The following DCUN1D5 variants were observed in gnomAD, a reference collection of about 807,000 sequenced individuals.
DCUN1D5 encodes DCN1-like protein 5.
In DCUN1D5, 10 loss-of-function variants were observed where a neutral mutation model predicts 38.3. The observed-to-expected ratio is 0.26, with a 90% CI of 0.16 to 0.44. DCUN1D5 has a LOEUF of 0.44. Ranked by LOEUF, DCUN1D5 falls within the 20% of genes least tolerant of loss-of-function variation. The pLI, the probability that DCUN1D5 is intolerant of heterozygous loss-of-function variation, is 1.00. For missense variants in DCUN1D5, 148 were observed against 275.3 expected, an observed-to-expected ratio of 0.54 and a Z score of 3.27; for synonymous variants, 93 against 90.9, an observed-to-expected ratio of 1.02 and a Z score of -0.13.
intron 4 of DCUN1D5, among the ~76,000 whole-genome samples, chr11:103,080,543 T>C (rs187135783): frequency 1.3e-3 from 197 of 152,328 alleles, no homozygotes; most frequent in African/African-American, 4.6e-3. Flanking sequence ...TCAAGAATGC[T>C]CACTTCAAGC....
Position 103,073,980 on chromosome 11 carries a change from G to T in DCUN1D5, c.342-7413C>A, listed in dbSNP as rs1362501946. On this transcript the variant is annotated intron_variant, in intron 4 of 7. Coordinates refer to ENST00000260247, the MANE Select transcript of DCUN1D5 (RefSeq NM_032299.4). This position sits in a 1 kb window ranked among gnomAD's most constrained non-coding sequence, Gnocchi z 4.2. ...GGCTACTCGGGGGGCTGATGTGGGA[G>T]GATCGCTTGAACCCAGGAGGTGAAG... is the stretch of plus-strand genomic sequence containing the variant. 2.6e-5 allele frequency among the ~76,000 whole-genome samples: 4 copies of T among 152,076 alleles called. No homozygotes were observed. Among genetic ancestry groups the T allele is most frequent in the African/African-American group, 9.7e-5 (4 of 41,390 alleles).
At chr11:103,070,494 C>A (rs982163287) in intron 4 of DCUN1D5, among the ~76,000 whole-genome samples, 1 of 152,084 alleles carries the variant, frequency 6.6e-6, no homozygotes, top group African/African-American at 2.4e-5. Context: ...AAGGGTCAAT[C>A]CATCAGAAAG....
Position 103,087,973 on chromosome 11 carries a change from G to A in DCUN1D5, c.178+1254C>T, listed in dbSNP as rs1862757245. On this transcript the variant is annotated intron_variant, in intron 2 of 7. Transcript: ENST00000260247. The surrounding 1 kb of genome is among the most constrained non-coding windows in gnomAD (Gnocchi z 4.1). ...GGGTCAACATTTTAAATGGAGGTCA[G>A]TAAGAAATGAATTCCCTTCATTTAA... is the stretch of plus-strand genomic sequence containing the variant. Among the ~76,000 whole-genome samples the A allele has an allele frequency of 6.6e-6, 1 of 152,158 alleles. No individual in the cohort carries two copies. Among genetic ancestry groups the A allele is most frequent in the Non-Finnish European group, 1.5e-5 (1 of 68,026 alleles).
Position 103,060,168 on chromosome 11 carries a change from A to C in DCUN1D5, c.*2191T>G, listed in dbSNP as rs1861977481. ...CAAAGTAGGCAAATGTTATAACTTT[A>C]AGAAGGTAAGAGAAATAGATGGAGC... On this transcript the variant is annotated 3_prime_UTR_variant, in exon 8 of 8. Transcript: ENST00000260247. Among the ~76,000 whole-genome samples the C allele has an allele frequency of 6.6e-6, 1 of 152,176 alleles. No individual in the cohort carries two copies. Among genetic ancestry groups the C allele is most frequent in the Admixed American group, 6.6e-5 (1 of 15,266 alleles).
chr11:103,080,164 TAA>T lies in DCUN1D5; in HGVS notation c.341+2582_341+2583del, dbSNP rs1038365130. On this transcript the variant is annotated intron_variant, in intron 4 of 7. Transcript: ENST00000260247. ...ATTTTTTAACAGACCAACATAGTTA[TAA>T]AGAGTTTTATGGGTTAAAATTAATT... 5.1e-4 allele frequency among the ~76,000 whole-genome samples: 78 copies of T among 152,210 alleles called. 1 individual carries two copies. Among genetic ancestry groups the T allele is most frequent in the Non-Finnish European group, 1.8e-4 (12 of 68,038 alleles).
In DCUN1D5 at chr11:103,091,667, G is replaced by C. The variant is rs745991285; in HGVS notation, c.86+120C>G. The C allele has an allele frequency of 1.3e-6, 2 of 1,585,848 alleles. No individual in the cohort carries two copies. Among genetic ancestry groups the C allele is most frequent in the South Asian group, 2.2e-5 (2 of 89,236 alleles). On this transcript the variant is annotated intron_variant, in intron 1 of 7. Coordinates refer to ENST00000260247, the MANE Select transcript of DCUN1D5 (RefSeq NM_032299.4). The surrounding 1 kb of genome is among the most constrained non-coding windows in gnomAD (Gnocchi z 4.3). ...GTGTTCGGCACCTACAGCCTAGCTC[G>C]ATCAAAGGGGCCTCACCTGTCTCCA...
At position 103,071,188 on chromosome 11, in the gene DCUN1D5, CAAAGT is replaced by C. The variant is rs931205241; in HGVS notation, c.342-4626_342-4622del. Among the ~76,000 whole-genome samples, 23 of 151,932 alleles carry C rather than the reference CAAAGT, an allele frequency of 1.5e-4. No homozygotes were observed. Among genetic ancestry groups the C allele is most frequent in the Middle Eastern group, 3.4e-3 (1 of 294 alleles). ...GGCAAAATAAACAAACCAAACAGGA[CAAAGT>C]AAATAAGAGCAGAAACTGCTGAAAT... On this transcript the variant is annotated intron_variant, in intron 4 of 7. Transcript: ENST00000260247. The surrounding 1 kb of genome is among the most constrained non-coding windows in gnomAD (Gnocchi z 4.1).
At position 103,078,584 on chromosome 11, in the gene DCUN1D5, A is replaced by G. The variant is rs931573973; in HGVS notation, c.341+4164T>C. 2.6e-5 allele frequency among the ~76,000 whole-genome samples: 4 copies of G among 152,240 alleles called. No individual in the cohort carries two copies. Among genetic ancestry groups the G allele is most frequent in the Admixed American group, 1.3e-4 (2 of 15,284 alleles). On this transcript the variant is annotated intron_variant, in intron 4 of 7. Transcript: ENST00000260247. This position sits in a 1 kb window ranked among gnomAD's most constrained non-coding sequence, Gnocchi z 4.6. Reference sequence around the variant, plus strand: ...CTTTAAAATCTCTGATGGTTTCCCAATATCTGTAACATAGATTTAAACTCT... The same window carrying G: ...CTTTAAAATCTCTGATGGTTTCCCAGTATCTGTAACATAGATTTAAACTCT...
In DCUN1D5 at chr11:103,083,218, C is replaced by T; in HGVS notation, c.249+38G>A. The stretch of plus-strand genomic sequence containing the variant: ...TTAGTAATTTACGAATATGCTATAC[C>T]CCACTTATATGCCATTCTACTTAGA... On this transcript the variant is annotated intron_variant, in intron 3 of 7. Coordinates refer to ENST00000260247, the MANE Select transcript of DCUN1D5 (RefSeq NM_032299.4). This position sits in a 1 kb window ranked among gnomAD's most constrained non-coding sequence, Gnocchi z 4.4. 2 of 982,498 alleles carry T rather than the reference C, an allele frequency of 2.0e-6. No individual in the cohort carries two copies. Among genetic ancestry groups the T allele is most frequent in the South Asian group, 1.3e-5 (1 of 75,062 alleles). 60.9% of individuals were successfully genotyped at this position (982,498 alleles called of 1,614,324 possible).
rs187297773 is a variant in DCUN1D5, at chr11:103,055,681, C to G, written c.*6678G>C. ...CACAAAAGTTGGCCTTGAATTTCATCGATCATATGTCTTCAATTAAGTTCT... is the reference window on the plus strand; with the variant it reads ...CACAAAAGTTGGCCTTGAATTTCATGGATCATATGTCTTCAATTAAGTTCT... On this transcript the variant is annotated 3_prime_UTR_variant, in exon 8 of 8. Transcript: ENST00000260247. 3.9e-5 allele frequency: 6 copies of G among 152,148 alleles called. No homozygotes were observed. Among genetic ancestry groups the G allele is most frequent in the Admixed American group, 3.9e-4 (6 of 15,278 alleles). The allele number at this position is 152,148 out of a possible 1,614,324, so 9.4% of individuals were successfully genotyped here. A position where few individuals can be genotyped will look rare whatever the true frequency, so the allele number is the denominator to read the frequency against.
Position 103,057,193 on chromosome 11 carries a change from TAGTAA to T in DCUN1D5, c.*5161_*5165del, listed in dbSNP as rs1432033975. Among the ~76,000 whole-genome samples, 4 of 152,190 alleles carry T rather than the reference TAGTAA, an allele frequency of 2.6e-5. No homozygotes were observed. Among genetic ancestry groups the T allele is most frequent in the South Asian group, 2.1e-4 (1 of 4,832 alleles). ...AAGCCATTTTATTTGCATGACAGAA[TAGTAA>T]AGTATATAAACTAACTTCACTTAAG... On this transcript the variant is annotated 3_prime_UTR_variant, in exon 8 of 8. Transcript: ENST00000260247. The surrounding 1 kb of genome is among the most constrained non-coding windows in gnomAD (Gnocchi z 4.8).
rs1479532300 is a variant in DCUN1D5, at chr11:103,091,462, G to GGATC, written c.86+321_86+324dup. 9.0e-6 allele frequency: 3 copies of GGATC among 334,144 alleles called. No individual in the cohort carries two copies. The highest frequency in any genetic ancestry group is 9.5e-4 in the Middle Eastern group (1 of 1,056). 20.7% of individuals were successfully genotyped at this position (334,144 alleles called of 1,614,324 possible). Reference sequence around the variant, plus strand: ...GGCAGAGGAGCGATACGGGAGTAGGGGATCGAGGGTCGGTTGTGGGGTGGG... The same window carrying GGATC: ...GGCAGAGGAGCGATACGGGAGTAGGGGATCGATCGAGGGTCGGTTGTGGGGTGGG... On this transcript the variant is annotated intron_variant, in intron 1 of 7. Coordinates refer to ENST00000260247, the MANE Select transcript of DCUN1D5 (RefSeq NM_032299.4). The surrounding 1 kb of genome is among the most constrained non-coding windows in gnomAD (Gnocchi z 4.3).
At chr11:103,079,331 T>C (rs1330418911) in intron 4 of DCUN1D5, among the ~76,000 whole-genome samples, 1 of 152,172 alleles carries the variant, frequency 6.6e-6, no homozygotes, top group African/African-American at 2.4e-5. Context: ...CCTAGTAGAA[T>C]ATGACTAAAG....
In DCUN1D5 at chr11:103,091,836, C is replaced by T; in HGVS notation, c.37G>A (p.Ala13Thr). 1.2e-6 allele frequency: 2 copies of T among 1,614,044 alleles called. No individual in the cohort carries two copies. Among genetic ancestry groups the T allele is most frequent in the Non-Finnish European group, 1.7e-6 (2 of 1,179,938 alleles). The change falls in exon 1 of 8, where the codon GCA becomes ACA. Residue 13 changes from alanine to threonine, a missense_variant. Coordinates refer to ENST00000260247, the MANE Select transcript of DCUN1D5 (RefSeq NM_032299.4). The surrounding 1 kb of genome is among the most constrained non-coding windows in gnomAD (Gnocchi z 4.3). ...VKKKRKSPGVAAAVAEDGGLK... is the reference protein window; with the variant it reads ...VKKKRKSPGVTAAVAEDGGLK... Reference sequence around the variant, plus strand: ...CCTCCGTCTTCCGCTACTGCTGCTGCCACCCCAGGGGATTTTCTCTTCTTC... The same window carrying T: ...CCTCCGTCTTCCGCTACTGCTGCTGTCACCCCAGGGGATTTTCTCTTCTTC...
At chr11:103,089,412 C>CA in intron 1 of DCUN1D5, 94 bp from the exon 2 acceptor site, 4 of 1,118,720 alleles carry the variant, frequency 3.6e-6, no homozygotes, top group Non-Finnish European at 3.7e-6. Flanking sequence ...TCACATTAAA[C>CA]AAAGGTTTTT....
At position 103,091,647 on chromosome 11, in the gene DCUN1D5, C is replaced by A. The variant is rs747790669; in HGVS notation, c.86+140G>T. On this transcript the variant is annotated intron_variant, in intron 1 of 7. Coordinates refer to ENST00000260247, the MANE Select transcript of DCUN1D5 (RefSeq NM_032299.4). The surrounding 1 kb of genome is among the most constrained non-coding windows in gnomAD (Gnocchi z 4.3). ...GTCGGGCGCGGAGACTCGCGGTGTT[C>A]GGCACCTACAGCCTAGCTCGATCAA... 2.0e-6 allele frequency: 3 copies of A among 1,519,952 alleles called. No individual in the cohort carries two copies. The highest frequency in any genetic ancestry group is 1.4e-5 in the African/African-American group (1 of 73,036). The allele number at this position is 1,519,952 out of a possible 1,614,324, so 94.2% of individuals were successfully genotyped here.
rs2134591333 is a variant in DCUN1D5 at position 103,057,344 on chromosome 11, C to T, written c.*5015G>A. ...GTTCAAAGGCAATTGTTAGCAACAG[C>T]AAATTTTTTTTTGACCTTCAAAATA... On this transcript the variant is annotated 3_prime_UTR_variant, in exon 8 of 8. Transcript: ENST00000260247. The surrounding 1 kb of genome is among the most constrained non-coding windows in gnomAD (Gnocchi z 4.8). Among the ~76,000 whole-genome samples the T allele has an allele frequency of 6.6e-6, 1 of 152,250 alleles. No homozygotes were observed. The highest frequency in any genetic ancestry group is 2.1e-4 in the South Asian group (1 of 4,824).
rs1306080131 is a variant in DCUN1D5 at position 103,065,007 on chromosome 11, A to G, written c.556-630T>C. On this transcript the variant is annotated intron_variant, in intron 6 of 7. Transcript: ENST00000260247. The surrounding 1 kb of genome is among the most constrained non-coding windows in gnomAD (Gnocchi z 4.6). ...TCTTCTCAGCTCCCCATAGAGCTGAATATTTTTACATTCAGTTAAATTTAT... is the reference window on the plus strand; with the variant it reads ...TCTTCTCAGCTCCCCATAGAGCTGAGTATTTTTACATTCAGTTAAATTTAT... 2.0e-5 allele frequency among the ~76,000 whole-genome samples: 3 copies of G among 152,192 alleles called. No homozygotes were observed. The highest frequency in any genetic ancestry group is 7.2e-5 in the African/African-American group (3 of 41,452).
rs978047439 is a variant in DCUN1D5, at chr11:103,071,211, G to A, written c.342-4644C>T. ...GACAAAGTAAATAAGAGCAGAAACT[G>A]CTGAAATTGAAAACAGAAAAATCAA... On this transcript the variant is annotated intron_variant, in intron 4 of 7. Transcript: ENST00000260247. This position sits in a 1 kb window ranked among gnomAD's most constrained non-coding sequence, Gnocchi z 4.1. Among the ~76,000 whole-genome samples, 1 of 151,970 alleles carries A rather than the reference G, an allele frequency of 6.6e-6. No individual in the cohort carries two copies. Among genetic ancestry groups the A allele is most frequent in the Non-Finnish European group, 1.5e-5 (1 of 67,944 alleles).
Sources: gnomAD v4.1 joint callset for allele counts (sites outside exome capture counted in the v4.1 genomes callset) on GRCh38, gnomAD v4.1.1 for gene constraint, Gnocchi (gnomAD v3.1) non-coding constraint, MANE v1.5 for transcripts, NCBI Gene and HGNC (gene_info 2026-07-23, HGNC 2026-07-21) for gene names.